The following CEP128 variants were observed in gnomAD, a reference collection of about 807,000 sequenced individuals.
CEP128 encodes the protein centrosomal protein 128.
CEP128 carries 132 observed loss-of-function variants against 156.7 expected under a neutral mutation model. That is an observed-to-expected ratio of 0.84 (90% CI 0.73 to 0.97). The LOEUF is 0.97. Ranked by LOEUF, CEP128 falls within the 50% of genes least tolerant of loss-of-function variation. CEP128 has a pLI of 0.00. For missense variants in CEP128, 1,252 were observed against 1,281.9 expected (o/e 0.98, Z 0.36); for synonymous variants, 469 against 448.9 (o/e 1.04, Z -0.57).
intron 12 of CEP128, among the ~76,000 whole-genome samples, chr14:80,833,956 A>G (rs965862052): frequency 1.3e-5 from 2 of 152,206 alleles, no homozygotes; most frequent in African/African-American, 4.8e-5. Flanking sequence ...CTGAGACAGG[A>G]AAGAAAAACA....
At chr14:80,944,857 A>AC (rs1566731125), upstream of CEP128, among the ~76,000 whole-genome samples, 229 of 81,480 alleles carry the variant, frequency 2.8e-3, 19 homozygotes, top group African/African-American at 9.2e-3. Context: ...AAAAAAAAAA[A>AC]CAGAAAAAAC....
intron 20 of CEP128, 80 bp from the exon 21 acceptor site, chr14:80,559,382 C>A: frequency 1.8e-6 from 2 of 1,086,308 alleles, no homozygotes; most frequent in Admixed American, 2.4e-5. Context: ...TACAAGTATT[C>A]TATTTACCAT....
chr14:80,825,215 C>T (rs1052390461), intron 13 of CEP128, among the ~76,000 whole-genome samples: 3 of 152,204 alleles, frequency 2.0e-5, no homozygotes, highest in Non-Finnish European at 2.9e-5. Flanking sequence ...GGGACACAGC[C>T]AAACCATATC....
Position 80,900,243 on chromosome 14 carries a change from C to A in CEP128, c.481-214G>T, listed in dbSNP as rs140528962. Among the ~76,000 whole-genome samples, 800 of 152,298 alleles carry A rather than the reference C, an allele frequency of 5.3e-3. 6 individuals are homozygous for A. Among genetic ancestry groups the A allele is most frequent in the Non-Finnish European group, 8.0e-3 (541 of 68,020 alleles). Reference sequence around the variant, plus strand: ...ATAACATTTATCAACACATTTTCTACAGTACAATTCTACTCCTCCAGAATT... The same window carrying A: ...ATAACATTTATCAACACATTTTCTAAAGTACAATTCTACTCCTCCAGAATT... On this transcript the variant is annotated intron_variant, in intron 6 of 24. Transcript: ENST00000555265.
At chr14:80,481,231 A>C (rs929429740) in intron 14 of CEP128, among the ~76,000 whole-genome samples, 1 of 152,220 alleles carries the variant, frequency 6.6e-6, no homozygotes, top group Non-Finnish European at 1.5e-5. Context: ...CCTCAGAATC[A>C]TGGCAGGAGG....
intron 19 of CEP128, among the ~76,000 whole-genome samples, chr14:80,613,007 AT>A (rs66946967): frequency 0.37 from 41,918 of 114,784 alleles, 6,653 homozygotes; most frequent in East Asian, 0.5. Context: ...CACCCGGCGA[AT>A]TTTTTTTTTT....
intron 18 of CEP128, among the ~76,000 whole-genome samples, chr14:80,753,333 AT>A (rs1289644542): frequency 6.6e-5 from 10 of 152,166 alleles, no homozygotes; most frequent in Non-Finnish European, 8.8e-5. Flanking sequence ...AAGAAAAAGT[AT>A]AGCTTTATAC....
At chr14:80,731,745 G>T (rs1254087342) in intron 19 of CEP128, among the ~76,000 whole-genome samples, 1 of 152,076 alleles carries the variant, frequency 6.6e-6, no homozygotes, top group Non-Finnish European at 1.5e-5. Context: ...CTTTACACTG[G>T]ACAGATAAAA....
At chr14:80,690,558 TAAC>T (rs1229148545) in intron 19 of CEP128, among the ~76,000 whole-genome samples, 10 of 152,122 alleles carry the variant, frequency 6.6e-5, no homozygotes, top group Non-Finnish European at 1.3e-4. Flanking sequence ...AAGAGAAATA[TAAC>T]AACAACAACA....
chr14:80,524,481 G>A (rs1453704600), intron 23 of CEP128, among the ~76,000 whole-genome samples: 1 of 152,118 alleles, frequency 6.6e-6, no homozygotes, highest in East Asian at 1.9e-4. Flanking sequence ...TATCCATGAA[G>A]ACAAGAAATG....
intron 7 of CEP128, among the ~76,000 whole-genome samples, chr14:80,896,440 TTCA>T (rs1212157812): frequency 6.6e-6 from 1 of 152,210 alleles, no homozygotes; most frequent in Non-Finnish European, 1.5e-5. Flanking sequence ...GCTGGTTGCC[TTCA>T]TCATGTTCAA....
At chr14:80,880,898 TA>T (rs1566689591) in intron 8 of CEP128, among the ~76,000 whole-genome samples, 19 of 141,136 alleles carry the variant, frequency 1.3e-4, no homozygotes, top group Non-Finnish European at 2.6e-4. Context: ...ATAATAATAA[TA>T]ATAATAATAA....
At chr14:80,826,118 A>C (rs1885465585) in intron 13 of CEP128, among the ~76,000 whole-genome samples, 1 of 151,634 alleles carries the variant, frequency 6.6e-6, no homozygotes. Flanking sequence ...AAAAAAAAAA[A>C]AAAAAAAACA....
chr14:80,889,803 G>C (rs1889000043), intron 8 of CEP128, among the ~76,000 whole-genome samples: 1 of 152,164 alleles, frequency 6.6e-6, no homozygotes, highest in Admixed American at 6.5e-5. Context: ...AAGAGCTTCT[G>C]CACAGTAAAA....
chr14:80,879,182 T>C (rs900480263), intron 8 of CEP128, among the ~76,000 whole-genome samples: 2 of 152,162 alleles, frequency 1.3e-5, no homozygotes, highest in African/African-American at 4.8e-5. Flanking sequence ...CAGGCCCATC[T>C]GCAGCTAAAT....
intron 18 of CEP128, among the ~76,000 whole-genome samples, chr14:80,755,935 C>T (rs1177241135): frequency 6.6e-6 from 1 of 152,180 alleles, no homozygotes; most frequent in African/African-American, 2.4e-5. Context: ...GGGAAAACTG[C>T]TCACAAGCTC....
intron 19 of CEP128, among the ~76,000 whole-genome samples, chr14:80,712,045 A>C (rs1019742065): frequency 2.0e-5 from 3 of 152,148 alleles, no homozygotes; most frequent in Admixed American, 1.3e-4. Context: ...CTAGGGAATT[A>C]GTACTTAATA....
At chr14:80,579,710 G>A (rs1039196547) in intron 20 of CEP128, among the ~76,000 whole-genome samples, 1 of 152,150 alleles carries the variant, frequency 6.6e-6, no homozygotes. Flanking sequence ...AAGTGAATTG[G>A]TTCTATCATG....
At chr14:80,660,929 G>T (rs769881021) in intron 19 of CEP128, among the ~76,000 whole-genome samples, 2 of 152,126 alleles carry the variant, frequency 1.3e-5, no homozygotes, top group Non-Finnish European at 2.9e-5. Flanking sequence ...AGCATTAGCC[G>T]AGTCACTGCT....
Sources: allele counts gnomAD v4.1 joint callset (sites outside exome capture counted in the v4.1 genomes callset), GRCh38; gene constraint gnomAD v4.1.1; transcripts MANE v1.5; gene names NCBI Gene and HGNC (gene_info 2026-07-23, HGNC 2026-07-21).